SUFU: variants seen among roughly 807,000 people sequenced by gnomAD.
The protein encoded by SUFU is suppressor of fused homolog.
Under a neutral mutation model 58.9 loss-of-function variants are expected in SUFU, and 7 were observed. The observed-to-expected ratio is 0.12, with a 90% confidence interval of 0.07 to 0.22. The LOEUF (loss-of-function observed/expected upper bound fraction) is 0.22, where lower values mean the gene tolerates loss of function less well. Among genes scored for constraint, SUFU ranks in the 10% least tolerant of loss-of-function variants. SUFU has a pLI of 1.00. For synonymous variants in SUFU, 232 were observed against 254.8 expected, an observed-to-expected ratio of 0.91 and a Z score of 0.85; for missense variants, 451 against 641.3, an observed-to-expected ratio of 0.70 and a Z score of 3.20.
At chr10:102,526,137 G>A (rs1309713353) in intron 2 of SUFU, among the ~76,000 whole-genome samples, 1 of 152,070 alleles carries the variant, frequency 6.6e-6, no homozygotes, top group Non-Finnish European at 1.5e-5. Context: ...TGCCTAAGGA[G>A]GGGTGACCTG....
chr10:102,630,134 G>T lies in SUFU; in HGVS notation c.1434G>T (p.Val478=). The T allele has an allele frequency of 1.2e-6, 2 of 1,614,206 alleles. No individual in the cohort carries two copies. The highest frequency in any genetic ancestry group is 1.7e-6 in the Non-Finnish European group (2 of 1,180,036). The stretch of plus-strand genomic sequence containing the variant: ...AGGTCTCCATCCTGCCTGACGTGGT[G>T]TTCGACAGTCCGCTACACTAGCCTG... ...KLKVSILPDV[V]FDSPLH is the part of the protein sequence containing the mutation. Residue 478 remains valine, a synonymous_variant, in exon 12 of 12, where the codon GTG becomes GTT. Transcript: ENST00000369902.
intron 8 of SUFU, among the ~76,000 whole-genome samples, chr10:102,609,915 A>G (rs1171871850): frequency 6.6e-6 from 1 of 152,212 alleles, no homozygotes; most frequent in Non-Finnish European, 1.5e-5. Context: ...AAAATTCTGG[A>G]CTAGATTATT....
At chr10:102,576,142 G>A (rs2135815650) in intron 3 of SUFU, among the ~76,000 whole-genome samples, 1 of 151,896 alleles carries the variant, frequency 6.6e-6, no homozygotes, top group South Asian at 2.1e-4. Flanking sequence ...TACTGCAACT[G>A]ACCTCAGATG....
chr10:102,618,659 C>A (rs2063710339), intron 10 of SUFU: 1 of 242,778 alleles, frequency 4.1e-6, no homozygotes, highest in Non-Finnish European at 7.9e-6. Flanking sequence ...TTTTAAAAGT[C>A]CCACTTGGTA....
chr10:102,512,568 A>G lies in SUFU; in HGVS notation c.317+3265A>G, dbSNP rs775193665. On this transcript the variant is annotated intron_variant, in intron 2 of 11. Transcript: ENST00000369902. ...TATTGTTTTTTTCTGGTTTAATACT[A>G]TCCTCTTACATGTGTTTCATTTCTA... is the stretch of plus-strand genomic sequence containing the variant. 1.5e-4 allele frequency among the ~76,000 whole-genome samples: 23 copies of G among 152,324 alleles called. 1 individual carries two copies. The highest frequency in any genetic ancestry group is 2.4e-4 in the Non-Finnish European group (16 of 68,030).
At chr10:102,608,027 C>T (rs1259666854) in intron 8 of SUFU, among the ~76,000 whole-genome samples, 1 of 151,842 alleles carries the variant, frequency 6.6e-6, no homozygotes, top group African/African-American at 2.4e-5. Flanking sequence ...GAGTTCAAGA[C>T]CAGCCTGGCC....
chr10:102,546,292 C>A (rs1396979712), intron 2 of SUFU, among the ~76,000 whole-genome samples: 1 of 152,162 alleles, frequency 6.6e-6, no homozygotes, highest in Non-Finnish European at 1.5e-5. Flanking sequence ...TTATCTCATC[C>A]TTCCTTTTGC....
intron 3 of SUFU, among the ~76,000 whole-genome samples, chr10:102,551,202 A>G (rs1448262581): frequency 2.6e-5 from 4 of 152,228 alleles, no homozygotes; most frequent in African/African-American, 9.6e-5. Flanking sequence ...GCCCTGTGGA[A>G]CAGTCCCCTC....
At chr10:102,612,168 CTT>C (rs1491349128) in intron 8 of SUFU, among the ~76,000 whole-genome samples, 1 of 98,328 alleles carries the variant, frequency 1.0e-5, no homozygotes, top group African/African-American at 4.1e-5. Context: ...AAACTGGGTT[CTT>C]GTGTGTGTGT....
In SUFU at chr10:102,579,265, G is replaced by C. The variant is rs549644734; in HGVS notation, c.455-13317G>C. On this transcript the variant is annotated intron_variant, in intron 3 of 11. Coordinates refer to ENST00000369902, the MANE Select transcript of SUFU (RefSeq NM_016169.4). ...TGGGGGGAGAATGAGGCTGTCTGCTGTGTGCCCTGCCCATGTGGGCACAGG... is the reference window on the plus strand; with the variant it reads ...TGGGGGGAGAATGAGGCTGTCTGCTCTGTGCCCTGCCCATGTGGGCACAGG... Among the ~76,000 whole-genome samples the C allele has an allele frequency of 2.6e-5, 4 of 152,320 alleles. No homozygotes were observed. In the South Asian group the frequency reaches 8.3e-4, roughly 32 times the overall value.
At chr10:102,583,804 G>A (rs979056337) in intron 3 of SUFU, among the ~76,000 whole-genome samples, 5 of 151,874 alleles carry the variant, frequency 3.3e-5, no homozygotes, top group Non-Finnish European at 7.4e-5. Context: ...GTGCTGCACC[G>A]ATTAACTCGT....
At chr10:102,616,221 G>T (rs889371522) in intron 9 of SUFU, among the ~76,000 whole-genome samples, 3 of 152,192 alleles carry the variant, frequency 2.0e-5, no homozygotes, top group Non-Finnish European at 4.4e-5. Flanking sequence ...CCAGAACTCA[G>T]CTCTGTGCTC....
intron 1 of SUFU, 24 bp downstream of exon 1, chr10:102,504,358 C>CG: frequency 6.2e-7 from 1 of 1,613,382 alleles, no homozygotes; most frequent in Non-Finnish European, 8.5e-7. Flanking sequence ...CGCGGGGAGA[C>CG]GGACAGGCGC....
upstream of SUFU, among the ~76,000 whole-genome samples, chr10:102,503,584 A>T (rs1211501949): frequency 6.6e-6 from 1 of 152,194 alleles, no homozygotes; most frequent in Non-Finnish European, 1.5e-5. Flanking sequence ...CAATAGCCCT[A>T]GAAAACATTA....
At chr10:102,606,159 C>T (rs1265721470) in intron 8 of SUFU, among the ~76,000 whole-genome samples, 2 of 152,178 alleles carry the variant, frequency 1.3e-5, no homozygotes, top group Non-Finnish European at 1.5e-5. Context: ...ATGAACTGTA[C>T]ACTGCTAGAA....
intron 3 of SUFU, among the ~76,000 whole-genome samples, chr10:102,567,426 A>AT (rs1172438670): frequency 6.6e-6 from 1 of 152,094 alleles, no homozygotes; most frequent in Non-Finnish European, 1.5e-5. Context: ...ACTGCTTGAG[A>AT]TTCCCTGGGA....
intron 2 of SUFU, among the ~76,000 whole-genome samples, chr10:102,542,138 C>T (rs1357122218): frequency 2.4e-5 from 3 of 124,830 alleles, no homozygotes; most frequent in African/African-American, 8.5e-5. Context: ...CCCACCTTGG[C>T]GTTTTTTTTT....
intron 3 of SUFU, among the ~76,000 whole-genome samples, chr10:102,589,442 CTT>C (rs747625757): frequency 0.013 from 859 of 65,324 alleles, 11 homozygotes; most frequent in African/African-American, 0.05. Flanking sequence ...TTCTTTCTTT[CTT>C]TTTTTTTTTT....
rs975837978 is a variant in SUFU, at chr10:102,553,497, T to C, written c.454+3391T>C. 2.7e-5 allele frequency among the ~76,000 whole-genome samples: 4 copies of C among 150,498 alleles called. No homozygotes were observed. In the East Asian group the frequency reaches 5.9e-4, roughly 22 times the overall value. On this transcript the variant is annotated intron_variant, in intron 3 of 11. Transcript: ENST00000369902. ...TTTTTTTTTTGAGATGGAGTCTCGC[T>C]CTATTGCCCAGGCTGGAGTGCAGTG...
Sources: allele counts gnomAD v4.1 joint callset (sites outside exome capture counted in the v4.1 genomes callset), GRCh38; gene constraint gnomAD v4.1.1; transcripts MANE v1.5; gene names NCBI Gene and HGNC (gene_info 2026-07-23, HGNC 2026-07-21).